The following CEP128 variants were observed in gnomAD, a reference collection of about 807,000 sequenced individuals.
The protein encoded by CEP128 is centrosomal protein 128kDa.
In CEP128, 132 loss-of-function variants were observed where a neutral mutation model predicts 156.7. The observed-to-expected ratio is 0.84, with a 90% CI of 0.73 to 0.97. The LOEUF is 0.97. Ranked by LOEUF, CEP128 falls within the 50% of genes least tolerant of loss-of-function variation. The pLI, the probability that CEP128 is intolerant of heterozygous loss-of-function variation, is 0.00. For missense variants in CEP128, 1,252 were observed against 1,281.9 expected, an observed-to-expected ratio of 0.98 and a Z score of 0.36; for synonymous variants, 469 against 448.9, an observed-to-expected ratio of 1.04 and a Z score of -0.57.
At chr14:80,506,144 A>G (rs977244524) in intron 23 of CEP128, among the ~76,000 whole-genome samples, 1 of 152,110 alleles carries the variant, frequency 6.6e-6, no homozygotes, top group Non-Finnish European at 1.5e-5. Context: ...GTGGGGCATG[A>G]GAAAGCAGAA....
rs148571416 is a variant in CEP128 at position 80,840,741 on chromosome 14, C to T, written c.790G>A (p.Asp264Asn). Residue 264 changes from aspartate (D) to asparagine (N), a missense_variant, in exon 10 of 25, where the codon GAT (aspartate) becomes AAT (asparagine). Transcript: ENST00000555265. ...EALKKQEAKA[D>N]EHEGAIKNKL... is the part of the protein sequence containing the mutation. ...TTTTTTATTGCCCCCTCATGCTCAT[C>T]TGCTTTAGCTTCTTGTTTCTTTAGT... 2.8e-4 allele frequency: 450 copies of T among 1,610,728 alleles called. No homozygotes were observed. The highest frequency in any genetic ancestry group is 3.5e-4 in the Non-Finnish European group (409 of 1,178,058).
chr14:80,701,183 G>T (rs868208175), intron 19 of CEP128, among the ~76,000 whole-genome samples: 3 of 152,274 alleles, frequency 2.0e-5, no homozygotes, highest in Middle Eastern at 3.4e-3. Context: ...CAGGAAGGAA[G>T]AAGACTCAAG....
At chr14:80,652,975 G>T (rs562803429) in intron 19 of CEP128, among the ~76,000 whole-genome samples, 5 of 152,156 alleles carry the variant, frequency 3.3e-5, no homozygotes, top group Non-Finnish European at 7.3e-5. Context: ...TTAGCAAAAC[G>T]TGGCACATAT....
chr14:80,808,402 T>A (rs986145692), intron 13 of CEP128, among the ~76,000 whole-genome samples: 2 of 152,164 alleles, frequency 1.3e-5, no homozygotes, highest in African/African-American at 2.4e-5. Context: ...ATGTCTGGGC[T>A]GTGTGTGGGA....
At chr14:80,907,289 T>C (rs1164451944) in intron 4 of CEP128, among the ~76,000 whole-genome samples, 2 of 149,990 alleles carry the variant, frequency 1.3e-5, no homozygotes, top group African/African-American at 4.9e-5. Flanking sequence ...AAAAGAGGGG[T>C]TTCCACACCC....
At chr14:80,677,019 G>C (rs1252336473) in intron 19 of CEP128, among the ~76,000 whole-genome samples, 3 of 151,992 alleles carry the variant, frequency 2.0e-5, no homozygotes, top group African/African-American at 7.2e-5. Flanking sequence ...TTAGACTATG[G>C]GGAGCAAAAC....
chr14:80,592,740 A>T (rs2140491975), intron 19 of CEP128, among the ~76,000 whole-genome samples: 1 of 152,342 alleles, frequency 6.6e-6, no homozygotes, highest in South Asian at 2.1e-4. Flanking sequence ...CATTGCAAAA[A>T]TCCTAAATAA....
At chr14:80,795,698 C>G (rs557315210) in intron 13 of CEP128, among the ~76,000 whole-genome samples, 100 of 152,262 alleles carry the variant, frequency 6.6e-4, no homozygotes, top group African/African-American at 2.4e-3. Flanking sequence ...CATCTCTGAC[C>G]CTACCATTTT....
chr14:80,949,272 A>C (rs1302278512), intron 2 of CEP128, among the ~76,000 whole-genome samples: 3 of 152,200 alleles, frequency 2.0e-5, no homozygotes, highest in Non-Finnish European at 2.9e-5. Flanking sequence ...GAACCCAGGC[A>C]GAGTCCAGTG....
chr14:80,804,160 T>C (rs1884041099), intron 13 of CEP128, among the ~76,000 whole-genome samples: 1 of 152,230 alleles, frequency 6.6e-6, no homozygotes, highest in Admixed American at 6.5e-5. Flanking sequence ...TTTTATAACT[T>C]TGAATTAATG....
chr14:80,945,803 A>G (rs143722703), upstream of CEP128: 8 of 152,246 alleles, frequency 5.3e-5, no homozygotes, highest in Non-Finnish European at 8.8e-5. Context: ...AAGCAGTGAA[A>G]GGAAATAAAC....
At chr14:80,770,572 T>C (rs919204510) in intron 16 of CEP128, among the ~76,000 whole-genome samples, 2 of 152,202 alleles carry the variant, frequency 1.3e-5, no homozygotes, top group African/African-American at 4.8e-5. Flanking sequence ...AAACATACTT[T>C]AAATGAAAAC....
At position 80,851,662 on chromosome 14, in the gene CEP128, A is replaced by G. The variant is rs936445545; in HGVS notation, c.763-10894T>C. 2.0e-4 allele frequency among the ~76,000 whole-genome samples: 30 copies of G among 152,120 alleles called. 1 individual carries two copies. Among genetic ancestry groups the G allele is most frequent in the Non-Finnish European group, 3.8e-4 (26 of 67,992 alleles). ...AAAAAGAGAAGTTAAAAAAAAATAAATAAGATAAAAACACTTTAAAATATT... is the reference window on the plus strand; with the variant it reads ...AAAAAGAGAAGTTAAAAAAAAATAAGTAAGATAAAAACACTTTAAAATATT... On this transcript the variant is annotated intron_variant, in intron 9 of 24. Coordinates refer to ENST00000555265, the MANE Select transcript of CEP128 (RefSeq NM_152446.5).
chr14:80,670,019 G>A (rs534567235), intron 19 of CEP128, among the ~76,000 whole-genome samples: 1 of 152,192 alleles, frequency 6.6e-6, no homozygotes, highest in South Asian at 2.1e-4. Context: ...CCAAAAGCAG[G>A]AGCAAGAGAG....
intron 19 of CEP128, among the ~76,000 whole-genome samples, chr14:80,584,915 C>A (rs1891753135): frequency 6.6e-6 from 1 of 152,208 alleles, no homozygotes; most frequent in Non-Finnish European, 1.5e-5. Context: ...CCCTTGCTCA[C>A]CACTGACATG....
At chr14:80,715,351 A>G (rs1279168373) in intron 19 of CEP128, among the ~76,000 whole-genome samples, 1 of 152,232 alleles carries the variant, frequency 6.6e-6, no homozygotes, top group South Asian at 2.1e-4. Flanking sequence ...TGAAAAATAT[A>G]TAAAATCCTA....
intron 23 of CEP128, among the ~76,000 whole-genome samples, chr14:80,511,815 T>C (rs1888272161): frequency 6.6e-6 from 1 of 152,106 alleles, no homozygotes; most frequent in Non-Finnish European, 1.5e-5. Flanking sequence ...TTTCAAGTAA[T>C]TTTTAAATTT....
chr14:80,800,080 T>TA (rs1566634966), intron 13 of CEP128, among the ~76,000 whole-genome samples: 1 of 152,098 alleles, frequency 6.6e-6, no homozygotes, highest in Admixed American at 6.6e-5. Flanking sequence ...AAACCCTTAA[T>TA]AAAAAACCTG....
At chr14:80,936,904 G>T (rs778631383) in intron 2 of CEP128, among the ~76,000 whole-genome samples, 2 of 150,352 alleles carry the variant, frequency 1.3e-5, no homozygotes, top group Non-Finnish European at 3.0e-5. Context: ...TGTTGTAAGA[G>T]TATTAACTAT....
Sources: gnomAD v4.1 joint callset for allele counts (sites outside exome capture counted in the v4.1 genomes callset) on GRCh38, gnomAD v4.1.1 for gene constraint, MANE v1.5 for transcripts, NCBI Gene and HGNC (gene_info 2026-07-23, HGNC 2026-07-21) for gene names.